MBTD1: variants seen among roughly 807,000 people sequenced by gnomAD.
The protein encoded by MBTD1 is mbt domain containing 1.
MBTD1 carries 24 observed loss-of-function variants against 87.8 expected under a neutral mutation model. The ratio of observed to expected loss-of-function variants is 0.27; its 90% CI spans 0.20 to 0.38. The LOEUF (loss-of-function observed/expected upper bound fraction) is 0.38, where lower values mean the gene tolerates loss of function less well. Ranked by LOEUF, MBTD1 falls within the 10% of genes least tolerant of loss-of-function variation. MBTD1 has a pLI of 1.00. For missense variants in MBTD1, 436 were observed against 760.2 expected (o/e 0.57, Z 5.02); for synonymous variants, 237 against 248.6 (o/e 0.95, Z 0.44).
rs5820847 is a variant in MBTD1, at chr17:51,239,690, GC to G, written c.-48-14482del. ...AGCATCATTTGTGGCAGTAACACTC[GC>G]CTTTATCCCCCAGCGGTGACAACCA... On this transcript the variant is annotated intron_variant, in intron 2 of 16. Transcript: ENST00000586178. Among the ~76,000 whole-genome samples the G allele has an allele frequency of 7.9e-3, 1,196 of 151,932 alleles. 16 individuals are homozygous for G. The highest frequency in any genetic ancestry group is 0.027 in the African/African-American group (1,137 of 41,416).
upstream of MBTD1, chr17:51,260,686 G>A: frequency 1.9e-6 from 3 of 1,608,122 alleles, no homozygotes; most frequent in Non-Finnish European, 2.5e-6. Flanking sequence ...CCGGAGCGGG[G>A]CCAGGCGGGC....
chr17:51,187,233 A>G (rs1490276610), intron 16 of MBTD1, among the ~76,000 whole-genome samples: 1 of 152,082 alleles, frequency 6.6e-6, no homozygotes, highest in Non-Finnish European at 1.5e-5. Flanking sequence ...GTTTCAGACC[A>G]GCCTGGGCAA....
intron 2 of MBTD1, among the ~76,000 whole-genome samples, chr17:51,258,583 C>G (rs2055232763): frequency 6.6e-6 from 1 of 151,762 alleles, no homozygotes. Context: ...GAACACAGGT[C>G]AAATACGGGT....
chr17:51,218,852 C>A (rs1053577760), intron 5 of MBTD1, 78 bp downstream of exon 5: 8 of 882,718 alleles, frequency 9.1e-6, no homozygotes, highest in Non-Finnish European at 1.8e-6. Context: ...AAACAGAATT[C>A]AAAATTACAA....
At chr17:51,249,254 G>A (rs191952774) in intron 2 of MBTD1, among the ~76,000 whole-genome samples, 2 of 151,910 alleles carry the variant, frequency 1.3e-5, no homozygotes, top group African/African-American at 4.8e-5. Context: ...AGTTGGGGGT[G>A]GGGGGAAGCA....
intron 3 of MBTD1, among the ~76,000 whole-genome samples, chr17:51,224,126 A>C (rs2053076858): frequency 6.6e-6 from 1 of 152,192 alleles, no homozygotes; most frequent in Non-Finnish European, 1.5e-5. Context: ...TTTGGTTCCC[A>C]CATTTCCAGG....
chr17:51,255,680 G>T (rs915387954), intron 2 of MBTD1, among the ~76,000 whole-genome samples: 5 of 149,516 alleles, frequency 3.3e-5, no homozygotes, highest in African/African-American at 1.2e-4. Context: ...ACTTCAACCT[G>T]GGTCTCCCAC....
Position 51,239,372 on chromosome 17 carries a change from A to C in MBTD1, c.-48-14163T>G, listed in dbSNP as rs190375445. Among the ~76,000 whole-genome samples the C allele has an allele frequency of 7.2e-5, 11 of 152,306 alleles. No individual in the cohort carries two copies. In the East Asian group the frequency reaches 1.9e-3, roughly 27 times the overall value. On this transcript the variant is annotated intron_variant, in intron 2 of 16. Coordinates refer to ENST00000586178, the MANE Select transcript of MBTD1 (RefSeq NM_017643.3). ...TCTTTAAGGATGGTTATAGGTTTTTACCATAAAATACTTAACTTTTTATTT... is the reference window on the plus strand; with the variant it reads ...TCTTTAAGGATGGTTATAGGTTTTTCCCATAAAATACTTAACTTTTTATTT...
chr17:51,211,779 T>G (rs1414881606), intron 6 of MBTD1, among the ~76,000 whole-genome samples: 1 of 150,786 alleles, frequency 6.6e-6, no homozygotes, highest in Non-Finnish European at 1.5e-5. Context: ...GGGTCACGAC[T>G]AGGGAAAAAA....
intron 16 of MBTD1, among the ~76,000 whole-genome samples, chr17:51,188,753 GTTTT>G (rs767959315): frequency 8.3e-5 from 9 of 108,880 alleles, no homozygotes; most frequent in Non-Finnish European, 9.2e-5. Context: ...ATTCAAATAG[GTTTT>G]TTTTTTTTTT....
intron 6 of MBTD1, among the ~76,000 whole-genome samples, chr17:51,208,772 T>C (rs1184546068): frequency 1.3e-5 from 2 of 152,250 alleles, no homozygotes; most frequent in African/African-American, 4.8e-5. Context: ...CTTTTTGAGC[T>C]AAATGTGTCA....
At chr17:51,226,254 A>G (rs924834121) in intron 2 of MBTD1, among the ~76,000 whole-genome samples, 1 of 150,122 alleles carries the variant, frequency 6.7e-6, no homozygotes, top group Admixed American at 6.6e-5. Context: ...GCTCACTCCT[A>G]TAATCCCAGC....
Position 51,202,859 on chromosome 17 carries a change from G to C in MBTD1, c.905C>G (p.Thr302Arg). ...TACACTTTCCACCACTGCTACTCGT[G>C]TTCGACACAAATGCCTCTTGTCAAC... ...EVVDKRHLCR[T>R]RVAVVESVIG... Residue 302 changes from threonine to arginine, a missense_variant, in exon 10 of 17, where the codon ACA becomes AGA. Thr to Arg is a moderately conservative substitution (Grantham distance 71). Around this residue, in one of 5 missense-constraint regions of MBTD1, gnomAD observed 268 missense variants for 401.8 expected, o/e 0.67. Transcript: ENST00000586178. The C allele has an allele frequency of 1.9e-6, 3 of 1,614,072 alleles. No individual in the cohort carries two copies. The highest frequency in any genetic ancestry group is 2.5e-6 in the Non-Finnish European group (3 of 1,180,002).
intron 2 of MBTD1, chr17:51,251,635 A>AT (rs1446761976): frequency 6.6e-6 from 1 of 152,216 alleles, no homozygotes; most frequent in Non-Finnish European, 1.5e-5. Context: ...AGGAATGATC[A>AT]TAAGGAGCAG....
At chr17:51,183,458 C>T (rs1332973932) in intron 16 of MBTD1, 1 of 152,332 alleles carries the variant, frequency 6.6e-6, no homozygotes, top group African/African-American at 2.4e-5. Context: ...TCCCAAAGTG[C>T]TGGGATTACA....
intron 2 of MBTD1, among the ~76,000 whole-genome samples, chr17:51,236,078 G>C (rs1056351705): frequency 6.6e-6 from 1 of 151,908 alleles, no homozygotes; most frequent in Non-Finnish European, 1.5e-5. Flanking sequence ...GATACATATA[G>C]AGTGTATATA....
rs60957699 is a variant in MBTD1 at position 51,179,484 on chromosome 17, T to TATATATATATATATATATATTTATATA, written c.*1091_*1092insTATATAAATATATATATATATATATAT. 5.7e-5 allele frequency: 2 copies of TATATATATATATATATATATTTATATA among 35,304 alleles called. No homozygotes were observed. Among genetic ancestry groups the TATATATATATATATATATATTTATATA allele is most frequent in the African/African-American group, 8.4e-5 (1 of 11,910 alleles). The allele number at this position is 35,304 out of a possible 1,614,324, so 2.2% of individuals were successfully genotyped here. On this transcript the variant is annotated 3_prime_UTR_variant, in exon 17 of 17. Transcript: ENST00000586178. Reference sequence around the variant, plus strand: ...ATCCTGAATACAATTAAAGACAATTTTATATATATATATATATATATATAT... The same window carrying TATATATATATATATATATATTTATATA: ...ATCCTGAATACAATTAAAGACAATTTATATATATATATATATATATTTATATATATATATATATATATATATATATAT...
At chr17:51,203,257 T>C (rs1352320710) in intron 8 of MBTD1, 29 bp from the exon 9 acceptor site, 3 of 1,201,914 alleles carry the variant, frequency 2.5e-6, no homozygotes, top group Non-Finnish European at 3.5e-6. Context: ...TCAGTTATAC[T>C]TTAGCAAAAA....
chr17:51,245,445 A>T (rs1160577456), intron 2 of MBTD1, among the ~76,000 whole-genome samples: 2 of 151,820 alleles, frequency 1.3e-5, no homozygotes, highest in African/African-American at 4.8e-5. Context: ...GAGTCAGAAA[A>T]TTTTTTCCTG....
Sources: gnomAD v4.1 joint callset for allele counts (sites outside exome capture counted in the v4.1 genomes callset) on GRCh38, gnomAD v4.1.1 for gene constraint, gnomAD v4.1.1 regional missense constraint, MANE v1.5 for transcripts, NCBI Gene and HGNC (gene_info 2026-07-23, HGNC 2026-07-21) for gene names.